Variants in SUDS3 observed in about 807,000 individuals in gnomAD.
The protein encoded by SUDS3 is sin3 histone deacetylase corepressor complex component SDS3.
Under a neutral mutation model 53.5 loss-of-function variants are expected in SUDS3, and 23 were observed. The observed-to-expected ratio is 0.43, with a 90% CI of 0.31 to 0.61. The LOEUF (loss-of-function observed/expected upper bound fraction) is 0.61. Among genes scored for constraint, SUDS3 ranks in the 20% least tolerant of loss-of-function variants. The pLI is 0.10. For synonymous variants in SUDS3, 150 were observed against 148.5 expected (o/e 1.01, Z -0.08); for missense variants, 291 against 405.9 (o/e 0.72, Z 2.43).
intron 1 of SUDS3, among the ~76,000 whole-genome samples, chr12:118,379,367 G>T (rs548631173): frequency 1.0e-3 from 152 of 152,254 alleles, no homozygotes; most frequent in Non-Finnish European, 1.4e-3. Flanking sequence ...AACCCAGGAG[G>T]TGGAGGTTGC....
intron 11 of SUDS3, among the ~76,000 whole-genome samples, chr12:118,412,810 C>T (rs1488251527): frequency 6.6e-6 from 1 of 152,192 alleles, no homozygotes; most frequent in Non-Finnish European, 1.5e-5. Flanking sequence ...AATAGAGTGT[C>T]AGTGAGATCT....
chr12:118,411,737 G>A (rs972747702), intron 11 of SUDS3, among the ~76,000 whole-genome samples: 5 of 151,990 alleles, frequency 3.3e-5, no homozygotes, highest in Admixed American at 1.3e-4. Context: ...TCCTGACCCC[G>A]TGGTCTACCC....
At chr12:118,413,637 G>T (rs77246425) in intron 11 of SUDS3, among the ~76,000 whole-genome samples, 3,366 of 152,278 alleles carry the variant, frequency 0.022, 121 homozygotes, top group African/African-American at 0.076. Flanking sequence ...GCCCCTTATT[G>T]AGTGCACTTT....
chr12:118,381,120 G>C (rs139604991), intron 2 of SUDS3, among the ~76,000 whole-genome samples: 2,552 of 152,266 alleles, frequency 0.017, 35 homozygotes, highest in Non-Finnish European at 0.024. Context: ...TGCTAGACAA[G>C]GTGCCGGAGG....
intron 2 of SUDS3, among the ~76,000 whole-genome samples, chr12:118,381,522 A>AC (rs1181217559): frequency 1.3e-5 from 2 of 152,144 alleles, no homozygotes; most frequent in Non-Finnish European, 2.9e-5. Flanking sequence ...AGCAAGGACT[A>AC]CAGGCACATG....
chr12:118,388,378 C>T (rs947311237), intron 4 of SUDS3, among the ~76,000 whole-genome samples: 1 of 152,158 alleles, frequency 6.6e-6, no homozygotes, highest in Non-Finnish European at 1.5e-5. Flanking sequence ...AAAGGGGCCC[C>T]TGGTAGACTG....
At chr12:118,398,634 C>CT (rs2046237257) in intron 6 of SUDS3, among the ~76,000 whole-genome samples, 12 of 41,200 alleles carry the variant, frequency 2.9e-4, no homozygotes, top group Non-Finnish European at 5.5e-4. Context: ...TTTTTTTTTT[C>CT]AAATTTTCTG....
In SUDS3 at chr12:118,411,174, C is replaced by T; in HGVS notation, c.888+17C>T. 1 of 1,576,138 alleles carries T rather than the reference C, an allele frequency of 6.3e-7. No individual in the cohort carries two copies. The highest frequency in any genetic ancestry group is 8.6e-7 in the Non-Finnish European group (1 of 1,160,346). ...GCCAATGAGGTGGGAACCACACTCC[C>T]TCACCTTTAGGGAAGCAAAATGTGT... On this transcript the variant is annotated intron_variant, in intron 11 of 11. Coordinates refer to ENST00000543473, the MANE Select transcript of SUDS3 (RefSeq NM_022491.3).
intron 2 of SUDS3, among the ~76,000 whole-genome samples, chr12:118,382,184 C>T (rs922247871): frequency 1.3e-5 from 2 of 152,026 alleles, no homozygotes; most frequent in Non-Finnish European, 2.9e-5. Context: ...GGACTACAGG[C>T]ATGCGCCACT....
intron 1 of SUDS3, among the ~76,000 whole-genome samples, chr12:118,377,090 TCCTC>T (rs1002912766): frequency 1.3e-5 from 2 of 152,008 alleles, no homozygotes; most frequent in South Asian, 4.2e-4. Context: ...TAAGACCCCG[TCCTC>T]CCTCCCAGCC....
intron 2 of SUDS3, among the ~76,000 whole-genome samples, chr12:118,381,618 C>T (rs1165461497): frequency 6.6e-6 from 1 of 151,986 alleles, no homozygotes; most frequent in Non-Finnish European, 1.5e-5. Context: ...AACTCTTGAC[C>T]TCAGGTGATC....
intron 2 of SUDS3, among the ~76,000 whole-genome samples, chr12:118,382,841 T>TC (rs1566196542): frequency 6.6e-6 from 1 of 150,946 alleles, no homozygotes; most frequent in Admixed American, 6.6e-5. Context: ...CTAATTTTTT[T>TC]TTTTTAAGTA....
At chr12:118,377,802 G>C (rs747850668) in intron 1 of SUDS3, among the ~76,000 whole-genome samples, 1 of 152,184 alleles carries the variant, frequency 6.6e-6, no homozygotes, top group Non-Finnish European at 1.5e-5. Flanking sequence ...TGGAGCAAAA[G>C]CTAGACCAGC....
intron 9 of SUDS3, 100 bp from the exon 10 acceptor site, chr12:118,403,312 T>C: frequency 1.1e-6 from 1 of 910,064 alleles, no homozygotes; most frequent in South Asian, 1.4e-5. Context: ...CAGTGATGAT[T>C]ATTACCACAT....
At chr12:118,408,840 T>C (rs1481707421) in intron 10 of SUDS3, among the ~76,000 whole-genome samples, 1 of 152,224 alleles carries the variant, frequency 6.6e-6, no homozygotes, top group Admixed American at 6.5e-5. Context: ...TGTCTTTATC[T>C]CTTTAATAAC....
intron 10 of SUDS3, among the ~76,000 whole-genome samples, chr12:118,406,493 G>A (rs561824454): frequency 1.3e-5 from 2 of 152,134 alleles, no homozygotes; most frequent in African/African-American, 2.4e-5. Flanking sequence ...ATTGCTTTTC[G>A]AAAATAGTAC....
intron 9 of SUDS3, chr12:118,402,763 CT>C (rs112374694): frequency 0.02 from 2,843 of 141,760 alleles, 56 homozygotes; most frequent in African/African-American, 0.055. Flanking sequence ...TAAGTGATTC[CT>C]TTTTTTTTTT....
chr12:118,394,945 A>G (rs1308632361), intron 6 of SUDS3, among the ~76,000 whole-genome samples: 1 of 152,150 alleles, frequency 6.6e-6, no homozygotes, highest in Non-Finnish European at 1.5e-5. Context: ...TTGGTCTCCC[A>G]AAGTGCTGGG....
intron 10 of SUDS3, among the ~76,000 whole-genome samples, chr12:118,409,046 C>T (rs1272247247): frequency 6.6e-6 from 1 of 152,068 alleles, no homozygotes; most frequent in Non-Finnish European, 1.5e-5. Context: ...ACATATTTAG[C>T]ATAATGAAGG....
Sources: gnomAD v4.1 joint callset for allele counts (sites outside exome capture counted in the v4.1 genomes callset) on GRCh38, gnomAD v4.1.1 for gene constraint, MANE v1.5 for transcripts, NCBI Gene and HGNC (gene_info 2026-07-23, HGNC 2026-07-21) for gene names.